Variants in ARHGAP31 observed in about 807,000 individuals in gnomAD.
The protein encoded by ARHGAP31 is Rho GTPase activating protein 31, also known as rho GTPase-activating protein 31.
A neutral mutation model predicts 113.9 loss-of-function variants in ARHGAP31; 34 were observed. That is an observed-to-expected ratio of 0.30 (90% CI 0.23 to 0.40). ARHGAP31 has a LOEUF of 0.40. Among genes scored for constraint, ARHGAP31 ranks in the 10% least tolerant of loss-of-function variants. The pLI is 1.00. For synonymous variants in ARHGAP31, 650 were observed against 684.8 expected, an observed-to-expected ratio of 0.95 and a Z score of 0.79; for missense variants, 1,548 against 1,767.1, an observed-to-expected ratio of 0.88 and a Z score of 2.22.
intron 1 of ARHGAP31, among the ~76,000 whole-genome samples, chr3:119,337,090 TGTGAA>T (rs1266641715): frequency 6.6e-6 from 1 of 152,218 alleles, no homozygotes; most frequent in Non-Finnish European, 1.5e-5. Context: ...TTTTGGCTGT[TGTGAA>T]TAATGGTGCT....
intron 1 of ARHGAP31, among the ~76,000 whole-genome samples, chr3:119,320,499 TA>T (rs1184104994): frequency 6.6e-6 from 1 of 152,188 alleles, no homozygotes; most frequent in Non-Finnish European, 1.5e-5. Context: ...TCTTCAGGAT[TA>T]AAAAATATTA....
chr3:119,318,481 T>G lies in ARHGAP31; in HGVS notation c.100+23477T>G, dbSNP rs138329030. Reference sequence around the variant, plus strand: ...TTTGAGTATTGCCTTAAATATAATTTTTCTACCCAGTAGATGCAGGTCAGC... The same window carrying G: ...TTTGAGTATTGCCTTAAATATAATTGTTCTACCCAGTAGATGCAGGTCAGC... On this transcript the variant is annotated intron_variant, in intron 1 of 11. Coordinates refer to ENST00000264245, the MANE Select transcript of ARHGAP31 (RefSeq NM_020754.4). Among the ~76,000 whole-genome samples the G allele has an allele frequency of 9.5e-3, 1,442 of 152,338 alleles. 34 individuals are homozygous for G. Among genetic ancestry groups the G allele is most frequent in the African/African-American group, 0.033 (1,369 of 41,578 alleles).
At chr3:119,381,025 T>C in intron 4 of ARHGAP31, 39 bp downstream of exon 4, 3 of 1,548,416 alleles carry the variant, frequency 1.9e-6, no homozygotes, top group African/African-American at 1.4e-5. Flanking sequence ...GGCCTCTCAA[T>C]GCAGTGTAAT....
In ARHGAP31 at chr3:119,294,806, C is replaced by A; in HGVS notation, c.-99C>A. 1 of 1,168,646 alleles carries A rather than the reference C, an allele frequency of 8.6e-7. No individual in the cohort carries two copies. Among genetic ancestry groups the A allele is most frequent in the Non-Finnish European group, 1.3e-6 (1 of 781,078 alleles). The allele number at this position is 1,168,646 out of a possible 1,614,324, so 72.4% of individuals were successfully genotyped here. ...CATCTTCCGATGCGGCCCCCCAGAGCCGCGGGGCAGCCGGTGATCTAGCCC... is the reference window on the plus strand; with the variant it reads ...CATCTTCCGATGCGGCCCCCCAGAGACGCGGGGCAGCCGGTGATCTAGCCC... On this transcript the variant is annotated 5_prime_UTR_variant, in exon 1 of 12. Transcript: ENST00000264245.
Position 119,417,011 on chromosome 3 carries a change from TAC to T in ARHGAP31, c.*748_*749del, listed in dbSNP as rs1377997874. 1 of 153,710 alleles carries T rather than the reference TAC, an allele frequency of 6.5e-6. No homozygotes were observed. Among genetic ancestry groups the T allele is most frequent in the Non-Finnish European group, 1.4e-5 (1 of 69,156 alleles). The allele number at this position is 153,710 out of a possible 1,614,324, so 9.5% of individuals were successfully genotyped here. A position where few individuals can be genotyped will look rare whatever the true frequency, so the allele number is the denominator to read the frequency against. On this transcript the variant is annotated 3_prime_UTR_variant, in exon 12 of 12. Transcript: ENST00000264245. The stretch of plus-strand genomic sequence containing the variant: ...TAATTTGGGACTCCAACTGCCACTG[TAC>T]TGGACTGTAATTTATAAATCCAGTA...
At chr3:119,317,240 G>A (rs1013944481) in intron 1 of ARHGAP31, among the ~76,000 whole-genome samples, 8 of 151,362 alleles carry the variant, frequency 5.3e-5, no homozygotes, top group African/African-American at 1.5e-4. Context: ...GTGCAGTGGC[G>A]CGATCTCAGC....
chr3:119,413,176 G>A (rs1256933243), intron 11 of ARHGAP31, among the ~76,000 whole-genome samples: 2 of 151,824 alleles, frequency 1.3e-5, no homozygotes, highest in East Asian at 3.9e-4. Context: ...AATTAGCCAG[G>A]TGTGGTGGTG....
rs79891801 is a variant in ARHGAP31, at chr3:119,363,045, G to A, written c.101-2271G>A. Among the ~76,000 whole-genome samples, 350 of 152,172 alleles carry A rather than the reference G, an allele frequency of 2.3e-3. 4 individuals carry two copies. Among genetic ancestry groups the A allele is most frequent in the African/African-American group, 7.9e-3 (326 of 41,490 alleles). ...ATCACTATTGTCCTTTTACACACAC[G>A]GAAACTAAGAAACAGAACCCTTGTA... On this transcript the variant is annotated intron_variant, in intron 1 of 11. Coordinates refer to ENST00000264245, the MANE Select transcript of ARHGAP31 (RefSeq NM_020754.4).
intron 3 of ARHGAP31, among the ~76,000 whole-genome samples, chr3:119,376,839 A>G (rs1001582522): frequency 1.3e-5 from 2 of 151,974 alleles, no homozygotes; most frequent in African/African-American, 2.4e-5. Flanking sequence ...TTGTGAGCTC[A>G]AGACAGCTGC....
At chr3:119,307,416 CG>C (rs1275621262) in intron 1 of ARHGAP31, among the ~76,000 whole-genome samples, 1 of 152,100 alleles carries the variant, frequency 6.6e-6, no homozygotes, top group Non-Finnish European at 1.5e-5. Flanking sequence ...TATGGTTCCT[CG>C]GTTATGCTAT....
intron 1 of ARHGAP31, among the ~76,000 whole-genome samples, chr3:119,324,128 T>C (rs2079819275): frequency 6.6e-6 from 1 of 152,246 alleles, no homozygotes. Context: ...CCCATCTGTA[T>C]GTAATCCTAG....
At chr3:119,331,745 C>T (rs2079893497) in intron 1 of ARHGAP31, among the ~76,000 whole-genome samples, 1 of 152,116 alleles carries the variant, frequency 6.6e-6, no homozygotes, top group Admixed American at 6.5e-5. Context: ...AAGGACAAAA[C>T]AATTTTAGCA....
intron 10 of ARHGAP31, among the ~76,000 whole-genome samples, chr3:119,405,931 A>G (rs886247856): frequency 1.3e-5 from 2 of 152,350 alleles, no homozygotes; most frequent in Middle Eastern, 3.4e-3. Context: ...GATCATGGTA[A>G]CCTGAGGACT....
At chr3:119,375,258 G>C (rs2080336451) in intron 3 of ARHGAP31, among the ~76,000 whole-genome samples, 1 of 152,178 alleles carries the variant, frequency 6.6e-6, no homozygotes, top group Non-Finnish European at 1.5e-5. Context: ...TGAAGTTAAG[G>C]TTTCAGCAGG....
chr3:119,335,436 A>G (rs1013573913), intron 1 of ARHGAP31, among the ~76,000 whole-genome samples: 2 of 152,086 alleles, frequency 1.3e-5, no homozygotes, highest in African/African-American at 2.4e-5. Flanking sequence ...GTTTTGGAGA[A>G]CCCTAACCCC....
chr3:119,347,267 G>A (rs1327809505), intron 1 of ARHGAP31, among the ~76,000 whole-genome samples: 2 of 152,136 alleles, frequency 1.3e-5, no homozygotes, highest in Admixed American at 6.5e-5. Context: ...GGAAATTACC[G>A]GACTATAAAC....
At chr3:119,307,833 A>G (rs548429993) in intron 1 of ARHGAP31, among the ~76,000 whole-genome samples, 1 of 151,632 alleles carries the variant, frequency 6.6e-6, no homozygotes, top group African/African-American at 2.4e-5. Flanking sequence ...TTGCTGGGCC[A>G]TAAGACATCT....
At chr3:119,323,494 T>G (rs1021981719) in intron 1 of ARHGAP31, among the ~76,000 whole-genome samples, 1 of 152,118 alleles carries the variant, frequency 6.6e-6, no homozygotes, top group Admixed American at 6.5e-5. Context: ...TTTTGTTTCT[T>G]TTCTTCTTCT....
chr3:119,383,236 C>A lies in ARHGAP31; in HGVS notation c.682+10C>A. 1 of 1,613,992 alleles carries A rather than the reference C, an allele frequency of 6.2e-7. No individual in the cohort carries two copies. Among genetic ancestry groups the A allele is most frequent in the Middle Eastern group, 1.7e-4 (1 of 6,052 alleles). ...TCTCTGGAGAATGATGGTAAGGACT[C>A]CTCCTAGCATACACTCCACCAGCTT... On this transcript the variant is annotated intron_variant, in intron 6 of 11. Coordinates refer to ENST00000264245, the MANE Select transcript of ARHGAP31 (RefSeq NM_020754.4).
Sources: gnomAD v4.1 joint callset for allele counts (sites outside exome capture counted in the v4.1 genomes callset) on GRCh38, gnomAD v4.1.1 for gene constraint, MANE v1.5 for transcripts, NCBI Gene and HGNC (gene_info 2026-07-23, HGNC 2026-07-21) for gene names.